Variants in GNAL observed in about 807,000 individuals in gnomAD.
GNAL encodes the protein G protein subunit alpha L, also known as guanine nucleotide-binding protein G(olf) subunit alpha.
Under a neutral mutation model 55.1 loss-of-function variants are expected in GNAL, and 18 were observed. That is an observed-to-expected ratio of 0.33 (90% CI 0.23 to 0.48). The LOEUF (loss-of-function observed/expected upper bound fraction) is 0.48. GNAL is among the 20% of genes least tolerant of loss of function. The probability of loss-of-function intolerance (pLI) is 0.99; values close to 1 mark genes in which losing one functional copy is unlikely to be tolerated. For missense variants in GNAL, 412 were observed against 614.1 expected (o/e 0.67, Z 3.48); for synonymous variants, 253 against 237.0 (o/e 1.07, Z -0.62).
At chr18:11,766,784 GA>G (rs1046549734) in intron 4 of GNAL, among the ~76,000 whole-genome samples, 22 of 152,302 alleles carry the variant, frequency 1.4e-4, no homozygotes, top group African/African-American at 5.1e-4. Flanking sequence ...AGACAACCAT[GA>G]AATACTGGTG....
In GNAL at chr18:11,869,498, T is replaced by C. The variant is rs539910192; in HGVS notation, c.1031+835T>C. ...TAGTTCTTTGTCAAGAAAATTTAAG[T>C]CTCTGTTTTGAAAGGCTAAGATTAT... On this transcript the variant is annotated intron_variant, in intron 9 of 11. Coordinates refer to ENST00000334049, the MANE Select transcript of GNAL (RefSeq NM_182978.4). Among the ~76,000 whole-genome samples, 6 of 152,290 alleles carry C rather than the reference T, an allele frequency of 3.9e-5. No homozygotes were observed. The South Asian group carries it at 1.2e-3, about 32-fold the overall frequency.
intron 4 of GNAL, among the ~76,000 whole-genome samples, chr18:11,796,484 G>A (rs1215356449): frequency 1.4e-5 from 2 of 148,066 alleles, no homozygotes; most frequent in Non-Finnish European, 3.0e-5. Context: ...GGAGGCAGGA[G>A]AATGGTATGA....
At chr18:11,779,819 A>G (rs1272028830) in intron 4 of GNAL, among the ~76,000 whole-genome samples, 1 of 152,212 alleles carries the variant, frequency 6.6e-6, no homozygotes, top group Admixed American at 6.5e-5. Flanking sequence ...CATCATTTTC[A>G]CTTGAATACT....
intron 4 of GNAL, among the ~76,000 whole-genome samples, chr18:11,792,888 G>A (rs549791495): frequency 6.6e-6 from 1 of 152,190 alleles, no homozygotes; most frequent in Non-Finnish European, 1.5e-5. Flanking sequence ...CTTTAGGTAT[G>A]TTTATATAGT....
chr18:11,788,061 C>T (rs1010320950), intron 4 of GNAL, among the ~76,000 whole-genome samples: 17 of 152,170 alleles, frequency 1.1e-4, no homozygotes, highest in African/African-American at 3.9e-4. Context: ...TATCCTTGAC[C>T]ATACCTGGAG....
chr18:11,700,225 G>A (rs145347557), intron 1 of GNAL, among the ~76,000 whole-genome samples: 87 of 152,320 alleles, frequency 5.7e-4, no homozygotes, highest in African/African-American at 1.9e-3. Context: ...TCAGTTAACC[G>A]CAGCAGGAAA....
At chr18:11,753,728 C>T (rs756788642) in intron 3 of GNAL, 46 bp downstream of exon 3, 189 of 1,465,494 alleles carry the variant, frequency 1.3e-4, no homozygotes, top group Non-Finnish European at 1.7e-4. Context: ...GTCAAGTGCT[C>T]TTCATTCTAA....
chr18:11,767,702 C>G (rs1034655929), intron 4 of GNAL, among the ~76,000 whole-genome samples: 2 of 152,202 alleles, frequency 1.3e-5, no homozygotes, highest in Admixed American at 1.3e-4. Context: ...CATCCTTGCA[C>G]TTGCACGCTT....
chr18:11,784,018 C>T lies in GNAL; in HGVS notation c.624+30073C>T, dbSNP rs565310018. Among the ~76,000 whole-genome samples, 6 of 152,380 alleles carry T rather than the reference C, an allele frequency of 3.9e-5. No homozygotes were observed. The East Asian group carries it at 1.2e-3, about 29-fold the overall frequency. On this transcript the variant is annotated intron_variant, in intron 4 of 11. Coordinates refer to ENST00000334049, the MANE Select transcript of GNAL (RefSeq NM_182978.4). ...TGTGAGGCAGGAGGGTAGCCAGCTA[C>T]TCCAGGCCCCCTGGTACCTGCTCTC... is the stretch of plus-strand genomic sequence containing the variant.
intron 5 of GNAL, among the ~76,000 whole-genome samples, chr18:11,849,510 AAAAAAAAAAAAG>A (rs1440351084): frequency 2.7e-4 from 7 of 26,178 alleles, no homozygotes; most frequent in East Asian, 2.3e-3. Context: ...TCAAAAAAAA[AAAAAAAAAAAAG>A]AAAGAAAAGA....
At chr18:11,769,460 A>AGT (rs2033564399) in intron 4 of GNAL, among the ~76,000 whole-genome samples, 1 of 148,372 alleles carries the variant, frequency 6.7e-6, no homozygotes, top group Non-Finnish European at 1.5e-5. Flanking sequence ...TAGCAGCATC[A>AGT]GTTTCTCAGG....
At chr18:11,725,905 A>T (rs1420711416) in intron 1 of GNAL, among the ~76,000 whole-genome samples, 1 of 152,228 alleles carries the variant, frequency 6.6e-6, no homozygotes, top group Non-Finnish European at 1.5e-5. Context: ...AATGAATGAG[A>T]GTTCCTGTTC....
intron 1 of GNAL, among the ~76,000 whole-genome samples, chr18:11,705,344 T>G (rs1189708693): frequency 6.6e-6 from 1 of 152,244 alleles, no homozygotes; most frequent in Non-Finnish European, 1.5e-5. Flanking sequence ...ATTTTCTTTC[T>G]TCATTCATCT....
chr18:11,716,722 G>T (rs568261491), intron 1 of GNAL, among the ~76,000 whole-genome samples: 1 of 152,314 alleles, frequency 6.6e-6, no homozygotes, highest in South Asian at 2.1e-4. Context: ...ACAGAGTGTC[G>T]ATTGGTGCAT....
At chr18:11,846,126 G>A (rs1302468141) in intron 5 of GNAL, among the ~76,000 whole-genome samples, 2 of 152,084 alleles carry the variant, frequency 1.3e-5, no homozygotes, top group Non-Finnish European at 2.9e-5. Flanking sequence ...GCCTTAGAGG[G>A]ACAGGTGTGT....
intron 1 of GNAL, among the ~76,000 whole-genome samples, chr18:11,694,535 G>A (rs2031350351): frequency 6.6e-6 from 1 of 152,172 alleles, no homozygotes; most frequent in African/African-American, 2.4e-5. Context: ...TGCAGAGGTG[G>A]GATGGAACTT....
intron 5 of GNAL, among the ~76,000 whole-genome samples, chr18:11,860,877 C>T (rs1186664751): frequency 6.6e-6 from 1 of 152,180 alleles, no homozygotes; most frequent in Non-Finnish European, 1.5e-5. Flanking sequence ...GTCAGCCAGC[C>T]AGCCAGCCTT....
At chr18:11,869,217 C>T (rs1047278169) in intron 9 of GNAL, among the ~76,000 whole-genome samples, 1 of 151,986 alleles carries the variant, frequency 6.6e-6, no homozygotes. Flanking sequence ...CATCTCGGCC[C>T]ACTGCAAGCT....
At chr18:11,720,804 G>A (rs771228927) in intron 1 of GNAL, among the ~76,000 whole-genome samples, 2 of 152,204 alleles carry the variant, frequency 1.3e-5, no homozygotes, top group Non-Finnish European at 2.9e-5. Context: ...CTGCAAATTT[G>A]TGTGGAAATG....
Sources: gnomAD v4.1 joint callset for allele counts (sites outside exome capture counted in the v4.1 genomes callset) on GRCh38, gnomAD v4.1.1 for gene constraint, MANE v1.5 for transcripts, NCBI Gene and HGNC (gene_info 2026-07-23, HGNC 2026-07-21) for gene names.